Variants in TMEM114 observed in about 807,000 individuals in gnomAD.
TMEM114 encodes the protein claudin-26.
A neutral mutation model predicts 6.2 loss-of-function variants in TMEM114; 6 were observed. The observed-to-expected ratio is 0.97, with a 90% CI of 0.53 to 1.91. The LOEUF (loss-of-function observed/expected upper bound fraction) is 1.91. Ranked by LOEUF, TMEM114 falls within the 40% of genes most tolerant of loss-of-function variation. The pLI, the probability that TMEM114 is intolerant of heterozygous loss-of-function variation, is 0.01. For synonymous variants in TMEM114, 104 were observed against 73.0 expected, an observed-to-expected ratio of 1.42 and a Z score of -2.16; for missense variants, 218 against 158.3, an observed-to-expected ratio of 1.38 and a Z score of -2.02.
downstream of TMEM114, among the ~76,000 whole-genome samples, chr16:8,533,378 G>A (rs1900270410): frequency 6.6e-6 from 1 of 152,196 alleles, no homozygotes; most frequent in Non-Finnish European, 1.5e-5. Flanking sequence ...AGGTCCTGGA[G>A]CAGAAACATG....
At position 8,577,659 on chromosome 16, in the gene TMEM114, C is replaced by G. The variant is rs148131387; in HGVS notation, c.302-5435G>C. ...AATGCAATGGTGCCATCTCAGATCA[C>G]TGCAACCTCCACTTCCTGGGTTCAA... On this transcript the variant is annotated intron_variant, in intron 2 of 3. Transcript: ENST00000620492. 2.0e-5 allele frequency among the ~76,000 whole-genome samples: 3 copies of G among 152,150 alleles called. No individual in the cohort carries two copies. The East Asian group carries it at 5.8e-4, about 29-fold the overall frequency.
intron 2 of TMEM114, among the ~76,000 whole-genome samples, chr16:8,542,143 G>GGA (rs897316722): frequency 1.9e-5 from 1 of 53,644 alleles, no homozygotes; most frequent in African/African-American, 8.1e-5. Context: ...GATGATTCGT[G>GGA]GGGGGGGGTC....
rs564068328 is a variant in TMEM114, at chr16:8,584,695, G to C, written c.301+4518C>G. ...CCAGCACTTTGGGAGGCCGAGGCAG[G>C]CAGATCACCTGAGGTCAGGAGTTTG... On this transcript the variant is annotated intron_variant, in intron 2 of 3. Transcript: ENST00000620492. 7.9e-5 allele frequency among the ~76,000 whole-genome samples: 12 copies of C among 152,184 alleles called. No individual in the cohort carries two copies. In the East Asian group the frequency reaches 1.9e-3, roughly 25 times the overall value.
intron 2 of TMEM114, among the ~76,000 whole-genome samples, chr16:8,586,433 G>C (rs773326889): frequency 6.6e-6 from 1 of 152,132 alleles, no homozygotes; most frequent in South Asian, 2.1e-4. Context: ...ATCACAGAAG[G>C]CCTCTGTTTT....
At chr16:8,526,958 A>G in the TMEM114 span, among the ~76,000 whole-genome samples, 1 of 152,196 alleles carries the variant, frequency 6.6e-6, no homozygotes, top group Admixed American at 6.5e-5. Context: ...CTGTAATCCC[A>G]GCACTTTTGG....
chr16:8,547,126 T>C (rs558159936), intron 2 of TMEM114, among the ~76,000 whole-genome samples: 1 of 152,282 alleles, frequency 6.6e-6, no homozygotes, highest in African/African-American at 2.4e-5. Flanking sequence ...TGTGGTCTCA[T>C]TGACAGCAAA....
At chr16:8,536,555 A>G (rs1057143790), downstream of TMEM114, among the ~76,000 whole-genome samples, 7 of 152,226 alleles carry the variant, frequency 4.6e-5, no homozygotes, top group Non-Finnish European at 1.0e-4. Flanking sequence ...AGTCTTCAAT[A>G]AATTGCTTAA....
At chr16:8,546,454 C>T (rs1025643678) in intron 2 of TMEM114, among the ~76,000 whole-genome samples, 1 of 152,164 alleles carries the variant, frequency 6.6e-6, no homozygotes, top group African/African-American at 2.4e-5. Flanking sequence ...ACCCAAAAAT[C>T]TGCAGCGACC....
chr16:8,562,903 A>G (rs1901315967), intron 2 of TMEM114, among the ~76,000 whole-genome samples: 1 of 149,312 alleles, frequency 6.7e-6, no homozygotes. Context: ...TGAGTGAATG[A>G]GTGAGTGAAT....
chr16:8,538,689 G>A (rs1289479061), intron 2 of TMEM114, among the ~76,000 whole-genome samples: 1 of 152,044 alleles, frequency 6.6e-6, no homozygotes, highest in Non-Finnish European at 1.5e-5. Context: ...TGTATTTTTA[G>A]TAGAGATGGG....
chr16:8,536,211 C>T (rs549860532), downstream of TMEM114, among the ~76,000 whole-genome samples: 18 of 146,390 alleles, frequency 1.2e-4, no homozygotes, highest in Admixed American at 3.4e-4. Context: ...GGTGACAGAG[C>T]GAAACTCTGT....
chr16:8,547,434 C>A (rs1415398104), intron 2 of TMEM114, among the ~76,000 whole-genome samples: 3 of 150,628 alleles, frequency 2.0e-5, no homozygotes, highest in Non-Finnish European at 4.4e-5. Context: ...GCTCTGTCAC[C>A]CAGGCTGGAG....
In TMEM114 at chr16:8,544,768, G is replaced by A. The variant is rs138189787; in HGVS notation, n.213-6942C>T. Reference sequence around the variant, plus strand: ...AAAGTCATAGTAAGTTCAGTGATGCGTTTAAATTAATTTGTATTTTGTTCA... The same window carrying A: ...AAAGTCATAGTAAGTTCAGTGATGCATTTAAATTAATTTGTATTTTGTTCA... On this transcript the variant is annotated intron_variant and non_coding_transcript_variant, in intron 2 of 2. Coordinates refer to the TMEM114 transcript ENST00000623677. Among the ~76,000 whole-genome samples the A allele has an allele frequency of 4.2e-4, 64 of 152,282 alleles. No homozygotes were observed. The East Asian group carries it at 0.012, about 28-fold the overall frequency.
intron 2 of TMEM114, among the ~76,000 whole-genome samples, chr16:8,564,498 T>TGAGG (rs1901449950): frequency 8.3e-6 from 1 of 120,074 alleles, no homozygotes; most frequent in African/African-American, 3.4e-5. Context: ...AATGAGTGAA[T>TGAGG]GAGTGAGTAA....
At chr16:8,547,824 A>G (rs1900720001) in intron 2 of TMEM114, among the ~76,000 whole-genome samples, 1 of 151,836 alleles carries the variant, frequency 6.6e-6, no homozygotes, top group African/African-American at 2.4e-5. Context: ...ACCATGAGAG[A>G]CTCTCATCAG....
chr16:8,563,409 GTTAATTAGTGAGTGAA>G (rs1901362374), intron 2 of TMEM114, among the ~76,000 whole-genome samples: 1 of 147,248 alleles, frequency 6.8e-6, no homozygotes, highest in Non-Finnish European at 1.5e-5. Flanking sequence ...AAACGAGTGA[GTTAATTAGTGAGTGAA>G]TGAGTGAGGC....
chr16:8,532,467 G>A, the TMEM114 span, among the ~76,000 whole-genome samples: 1 of 152,062 alleles, frequency 6.6e-6, no homozygotes, highest in Non-Finnish European at 1.5e-5. Flanking sequence ...TCCTGTCTGG[G>A]TGTGCTTGCC....
chr16:8,568,923 C>T (rs1901630555), downstream of TMEM114, among the ~76,000 whole-genome samples: 1 of 152,250 alleles, frequency 6.6e-6, no homozygotes, highest in Non-Finnish European at 1.5e-5. Context: ...TTAATAAACG[C>T]CCCACCTCGG....
At chr16:8,544,975 G>C (rs933404266) in intron 2 of TMEM114, among the ~76,000 whole-genome samples, 1 of 150,908 alleles carries the variant, frequency 6.6e-6, no homozygotes, top group Non-Finnish European at 1.5e-5. Flanking sequence ...ATCTTATCTT[G>C]TGAGGCTTGG....
Sources: allele counts gnomAD v4.1 joint callset (sites outside exome capture counted in the v4.1 genomes callset), GRCh38; gene constraint gnomAD v4.1.1; transcripts MANE v1.5; gene names NCBI Gene and HGNC (gene_info 2026-07-23, HGNC 2026-07-21).